SLFN12L: variants seen among roughly 807,000 people sequenced by gnomAD.
The protein encoded by SLFN12L is schlafen family member 12-like.
In SLFN12L, 34 loss-of-function variants were observed where a neutral mutation model predicts 34.8. The observed-to-expected ratio is 0.98, with a 90% CI of 0.74 to 1.30. The LOEUF (loss-of-function observed/expected upper bound fraction) is 1.30. Ranked by LOEUF, SLFN12L falls within the 50% of genes most tolerant of loss-of-function variation. The pLI is 0.00. For missense variants in SLFN12L, 703 were observed against 696.2 expected (o/e 1.01, Z -0.11); for synonymous variants, 259 against 247.5 (o/e 1.05, Z -0.44).
At position 35,474,840 on chromosome 17, in the gene SLFN12L, G is replaced by A; in HGVS notation, c.*83C>T. 8 of 1,353,680 alleles carry A rather than the reference G, an allele frequency of 5.9e-6. No homozygotes were observed. Among genetic ancestry groups the A allele is most frequent in the Non-Finnish European group, 7.8e-6 (8 of 1,022,946 alleles). The allele number at this position is 1,353,680 out of a possible 1,614,324, so 83.9% of individuals were successfully genotyped here. ...CCAGCTACTCGGGAGGCTGAGGCAGGGAATTGCTTGAACCCAGGAGGCAGA... is the reference window on the plus strand; with the variant it reads ...CCAGCTACTCGGGAGGCTGAGGCAGAGAATTGCTTGAACCCAGGAGGCAGA... On this transcript the variant is annotated 3_prime_UTR_variant, in exon 5 of 5. Coordinates refer to ENST00000628453, the MANE Select transcript of SLFN12L (RefSeq NM_001363830.2).
chr17:35,508,755 GT>G, intron 2 of SLFN12L, among the ~76,000 whole-genome samples: 1 of 151,426 alleles, frequency 6.6e-6, no homozygotes, highest in Non-Finnish European at 1.5e-5. Context: ...CTTGGAGACA[GT>G]TTTTCTGATA....
chr17:35,527,004 CA>C (rs1463752420), intron 1 of SLFN12L, among the ~76,000 whole-genome samples: 1 of 151,038 alleles, frequency 6.6e-6, no homozygotes, highest in Admixed American at 6.6e-5. Flanking sequence ...CAAATAGATG[CA>C]ATAAAAAAAT....
intron 2 of SLFN12L, among the ~76,000 whole-genome samples, chr17:35,520,409 A>G (rs1915962296): frequency 6.6e-6 from 1 of 152,236 alleles, no homozygotes; most frequent in Admixed American, 6.5e-5. Flanking sequence ...AATAGATATA[A>G]AAGTTAAAAC....
chr17:35,525,434 A>C (rs890353509), intron 1 of SLFN12L, among the ~76,000 whole-genome samples: 4 of 152,182 alleles, frequency 2.6e-5, no homozygotes, highest in Admixed American at 1.3e-4. Flanking sequence ...GAAATGAAGG[A>C]AAAAAATGTT....
intron 1 of SLFN12L, among the ~76,000 whole-genome samples, chr17:35,529,248 G>A (rs1045742281): frequency 3.3e-5 from 5 of 152,212 alleles, no homozygotes; most frequent in Non-Finnish European, 5.9e-5. Context: ...CTGTTGATGG[G>A]AGTGTAAATT....
intron 1 of SLFN12L, among the ~76,000 whole-genome samples, chr17:35,530,636 G>A (rs1288447785): frequency 1.3e-5 from 2 of 152,024 alleles, no homozygotes; most frequent in East Asian, 1.9e-4. Flanking sequence ...GCCAAGGGAC[G>A]TGGTAAATCT....
intron 4 of SLFN12L, 91 bp from the exon 5 acceptor site, chr17:35,475,576 C>A: frequency 6.9e-7 from 1 of 1,447,294 alleles, no homozygotes. Context: ...ATTAATTCTC[C>A]CACCAAAAGC....
At chr17:35,487,182 C>A (rs1469811742) in intron 2 of SLFN12L, among the ~76,000 whole-genome samples, 3 of 152,398 alleles carry the variant, frequency 2.0e-5, no homozygotes, top group Admixed American at 6.5e-5. Flanking sequence ...CCATACAGCA[C>A]TCCCCACTTC....
At chr17:35,512,528 G>A (rs1399284719) in intron 2 of SLFN12L, among the ~76,000 whole-genome samples, 1 of 152,056 alleles carries the variant, frequency 6.6e-6, no homozygotes, top group Non-Finnish European at 1.5e-5. Context: ...ACCATGTCCG[G>A]CTAATTTTTT....
intron 1 of SLFN12L, among the ~76,000 whole-genome samples, chr17:35,532,686 G>A (rs904818202): frequency 1.3e-5 from 2 of 152,094 alleles, no homozygotes; most frequent in Non-Finnish European, 2.9e-5. Context: ...GAGGCCAGGA[G>A]TTCAAGACCA....
At chr17:35,487,394 G>A (rs1236434129) in intron 2 of SLFN12L, among the ~76,000 whole-genome samples, 6 of 152,254 alleles carry the variant, frequency 3.9e-5, no homozygotes, top group Admixed American at 2.0e-4. Flanking sequence ...AGAAGGGAGA[G>A]AAAGCAGCCT....
At chr17:35,489,506 A>G (rs1597844888) in intron 2 of SLFN12L, among the ~76,000 whole-genome samples, 2 of 152,200 alleles carry the variant, frequency 1.3e-5, no homozygotes, top group Non-Finnish European at 2.9e-5. Flanking sequence ...GTGAGCCGTG[A>G]TCAGGCTACT....
At chr17:35,489,254 A>G (rs1191539566) in intron 2 of SLFN12L, among the ~76,000 whole-genome samples, 2 of 152,010 alleles carry the variant, frequency 1.3e-5, no homozygotes, top group East Asian at 1.9e-4. Context: ...AGCAAAAAAG[A>G]TTACGACGTC....
intron 2 of SLFN12L, among the ~76,000 whole-genome samples, chr17:35,512,157 T>TA (rs1693906086): frequency 7.8e-6 from 1 of 128,734 alleles, no homozygotes; most frequent in Non-Finnish European, 1.7e-5. Context: ...CTGATTTTTT[T>TA]TTTTTTTTTT....
At chr17:35,485,886 G>A (rs1452889546) in intron 2 of SLFN12L, among the ~76,000 whole-genome samples, 3 of 152,152 alleles carry the variant, frequency 2.0e-5, no homozygotes, top group Non-Finnish European at 2.9e-5. Flanking sequence ...CTATGTTTTG[G>A]TTACTGTAGC....
At chr17:35,528,584 C>T (rs910641788) in intron 1 of SLFN12L, among the ~76,000 whole-genome samples, 18 of 152,120 alleles carry the variant, frequency 1.2e-4, no homozygotes, top group Non-Finnish European at 1.8e-4. Flanking sequence ...CAAAAACAAG[C>T]AATGGGGAAA....
Position 35,517,793 on chromosome 17 carries a change from G to A in SLFN12L, c.86+4486C>T, listed in dbSNP as rs184519996. On this transcript the variant is annotated intron_variant, in intron 2 of 4. Transcript: ENST00000628453. Reference sequence around the variant, plus strand: ...CGACAAAACTGACAAAACAAACAATGGGGAAAGGATTCCCTGTTTAATAAA... The same window carrying A: ...CGACAAAACTGACAAAACAAACAATAGGGAAAGGATTCCCTGTTTAATAAA... Among the ~76,000 whole-genome samples, 3 of 152,222 alleles carry A rather than the reference G, an allele frequency of 2.0e-5. No homozygotes were observed. The East Asian group carries it at 5.8e-4, about 29-fold the overall frequency.
intron 2 of SLFN12L, among the ~76,000 whole-genome samples, chr17:35,494,336 G>C (rs1176162178): frequency 6.6e-6 from 1 of 151,952 alleles, no homozygotes; most frequent in Non-Finnish European, 1.5e-5. Flanking sequence ...GGTGTAATTT[G>C]AATAACTTTT....
chr17:35,532,961 G>A (rs946536393), intron 1 of SLFN12L, among the ~76,000 whole-genome samples: 1 of 152,060 alleles, frequency 6.6e-6, no homozygotes, highest in Non-Finnish European at 1.5e-5. Flanking sequence ...AATATATATT[G>A]TTTGACACAC....
Sources: allele counts gnomAD v4.1 joint callset (sites outside exome capture counted in the v4.1 genomes callset), GRCh38; gene constraint gnomAD v4.1.1; transcripts MANE v1.5; gene names NCBI Gene and HGNC (gene_info 2026-07-23, HGNC 2026-07-21).